UBE2G2: variants seen among roughly 807,000 people sequenced by gnomAD.
The protein encoded by UBE2G2 is ubiquitin conjugating enzyme E2 G2, also known as ubiquitin-conjugating enzyme E2 G2.
Under a neutral mutation model 23.0 loss-of-function variants are expected in UBE2G2, and 10 were observed. The ratio of observed to expected loss-of-function variants is 0.43; its 90% CI spans 0.27 to 0.74. UBE2G2 has a LOEUF of 0.74. UBE2G2 is among the 30% of genes least tolerant of loss of function. The probability of loss-of-function intolerance (pLI) is 0.19; values close to 1 mark genes in which losing one functional copy is unlikely to be tolerated. For synonymous variants in UBE2G2, 86 were observed against 81.3 expected (o/e 1.06, Z -0.31); for missense variants, 150 against 218.3 (o/e 0.69, Z 1.97).
rs1555959946 is a variant in UBE2G2 at position 44,771,503 on chromosome 21, G to A, written c.386-14C>T. The A allele has an allele frequency of 1.1e-5, 17 of 1,608,488 alleles. No homozygotes were observed. Among genetic ancestry groups the A allele is most frequent in the South Asian group, 3.3e-5 (3 of 91,058 alleles). On this transcript the variant is annotated splice_polypyrimidine_tract_variant and intron_variant, in intron 5 of 5. Transcript: ENST00000345496. This position sits in a 1 kb window ranked among gnomAD's most constrained non-coding sequence, Gnocchi z 4.6. The stretch of plus-strand genomic sequence containing the variant: ...CGTCATTGGGCTCTGAAAGAAAAGG[G>A]AACACCCTCCATGTAAAAGGGAGTC...
chr21:44,801,257 T>C, intron 1 of UBE2G2: 1 of 980,568 alleles, frequency 1.0e-6, no homozygotes. Flanking sequence ...CCCTTTTCCT[T>C]CATTAGAGGG....
At chr21:44,794,884 C>G (rs1555963458) in intron 1 of UBE2G2, among the ~76,000 whole-genome samples, 1 of 152,152 alleles carries the variant, frequency 6.6e-6, no homozygotes, top group Non-Finnish European at 1.5e-5. Flanking sequence ...AGCAAAGACT[C>G]AAGTCACTTT....
chr21:44,776,313 A>G (rs537991086), intron 4 of UBE2G2, among the ~76,000 whole-genome samples: 1 of 152,246 alleles, frequency 6.6e-6, no homozygotes, highest in South Asian at 2.1e-4. Context: ...TATTAATTTT[A>G]GGGCAAAAAA....
chr21:44,777,190 C>T, intron 4 of UBE2G2, 109 bp downstream of exon 4: 1 of 936,802 alleles, frequency 1.1e-6, no homozygotes, highest in Non-Finnish European at 1.6e-6. Flanking sequence ...GAAGTGTTTT[C>T]TAAAGATCTA....
chr21:44,792,978 C>T lies in UBE2G2; in HGVS notation c.44-4883G>A, dbSNP rs528575039. Among the ~76,000 whole-genome samples, 9 of 152,342 alleles carry T rather than the reference C, an allele frequency of 5.9e-5. No individual in the cohort carries two copies. The East Asian group carries it at 1.5e-3, about 26-fold the overall frequency. ...TGAATGAGGTCAAGTACCAAGCCGA[C>T]TAAGACCTTGGATTTCACAAGCCAC... On this transcript the variant is annotated intron_variant, in intron 1 of 5. Transcript: ENST00000345496.
In UBE2G2 at chr21:44,801,763, T is replaced by C; in HGVS notation, c.-15A>G. The C allele has an allele frequency of 6.6e-7, 1 of 1,515,638 alleles. No homozygotes were observed. The highest frequency in any genetic ancestry group is 2.8e-5 in the East Asian group (1 of 35,978). The allele number at this position is 1,515,638 out of a possible 1,614,324, so 93.9% of individuals were successfully genotyped here. ...GTCCCCGCCATGGCCCCGCAACAGC[T>C]GCGCCGAGCGACCTCGCCTCAGCCG... is the stretch of plus-strand genomic sequence containing the variant. On this transcript the variant is annotated 5_prime_UTR_variant, in exon 1 of 6. Transcript: ENST00000345496.
chr21:44,795,467 A>G (rs2083080022), intron 1 of UBE2G2, among the ~76,000 whole-genome samples: 1 of 151,920 alleles, frequency 6.6e-6, no homozygotes, highest in African/African-American at 2.4e-5. Flanking sequence ...CCCTATCTCT[A>G]CTAAAAATAC....
chr21:44,779,705 C>A (rs1232175498), intron 3 of UBE2G2, among the ~76,000 whole-genome samples: 4 of 152,230 alleles, frequency 2.6e-5, no homozygotes, highest in African/African-American at 9.6e-5. Context: ...GAGCTCAGAG[C>A]AAACGATAAC....
rs2082875100 is a variant in UBE2G2, at chr21:44,771,528, C to T, written c.386-39G>A. The T allele has an allele frequency of 6.3e-7, 1 of 1,593,892 alleles. No homozygotes were observed. The highest frequency in any genetic ancestry group is 8.5e-7 in the Non-Finnish European group (1 of 1,169,856). ...GAACACCCTCCATGTAAAAGGGAGT[C>T]TTATACGTAAGCAGCCTGGCAAGGT... On this transcript the variant is annotated intron_variant, in intron 5 of 5. Coordinates refer to ENST00000345496, the MANE Select transcript of UBE2G2 (RefSeq NM_003343.6). The surrounding 1 kb of genome is among the most constrained non-coding windows in gnomAD (Gnocchi z 4.6).
chr21:44,796,448 C>T (rs1270802939), intron 1 of UBE2G2, among the ~76,000 whole-genome samples: 1 of 152,060 alleles, frequency 6.6e-6, no homozygotes, highest in Non-Finnish European at 1.5e-5. Flanking sequence ...TCTGTCAAGT[C>T]CACCTTTACA....
chr21:44,774,605 T>C (rs1228051940), intron 4 of UBE2G2: 3 of 384,862 alleles, frequency 7.8e-6, no homozygotes, highest in Non-Finnish European at 1.6e-5. Flanking sequence ...GTCCTATGTG[T>C]TTCCACTCAT....
rs187139522 is a variant in UBE2G2, at chr21:44,774,895, T to C, written c.245-1208A>G. 1.8e-3 allele frequency: 669 copies of C among 365,358 alleles called. 10 individuals are homozygous for C. Among genetic ancestry groups the C allele is most frequent in the South Asian group, 0.012 (584 of 48,308 alleles). The allele number at this position is 365,358 out of a possible 1,614,324, so 22.6% of individuals were successfully genotyped here. ...CCTTCACCAAGTCCCAGCAGTGCCA[T>C]GTCCTAAACCTCTCGTGGATCCACA... On this transcript the variant is annotated intron_variant, in intron 4 of 5. Coordinates refer to ENST00000345496, the MANE Select transcript of UBE2G2 (RefSeq NM_003343.6).
rs1555960208 is a variant in UBE2G2, at chr21:44,773,608, C to T, written c.324G>A (p.Glu108=). 1.2e-6 allele frequency: 2 copies of T among 1,612,124 alleles called. No individual in the cohort carries two copies. Among genetic ancestry groups the T allele is most frequent in the South Asian group, 2.2e-5 (2 of 91,086 alleles). Residue 108 remains glutamate, a synonymous_variant, in exon 5 of 6, where the codon GAG becomes GAA. Coordinates refer to ENST00000345496, the MANE Select transcript of UBE2G2 (RefSeq NM_003343.6). ...CCACACTCTGCACAGGACTCCACCG[C>T]TCCGCGCTGCTCTCGTAGCCCATGG... ...DDPMGYESSA[E]RWSPVQSVEK...
At chr21:44,778,306 C>T (rs1056584125) in intron 3 of UBE2G2, among the ~76,000 whole-genome samples, 1 of 152,256 alleles carries the variant, frequency 6.6e-6, no homozygotes, top group Admixed American at 6.5e-5. Context: ...ACAGGCACCA[C>T]CACTCCAGGC....
chr21:44,779,646 C>T (rs2082941770), intron 3 of UBE2G2, among the ~76,000 whole-genome samples: 1 of 152,190 alleles, frequency 6.6e-6, no homozygotes, highest in African/African-American at 2.4e-5. Flanking sequence ...GGGCACACAC[C>T]ATGTATCAGA....
In UBE2G2 at chr21:44,801,752, C is replaced by T. The variant is rs1555964893; in HGVS notation, c.-4G>A. The T allele has an allele frequency of 6.6e-7, 1 of 1,519,348 alleles. No individual in the cohort carries two copies. Among genetic ancestry groups the T allele is most frequent in the South Asian group, 1.2e-5 (1 of 80,802 alleles). 94.1% of individuals were successfully genotyped at this position (1,519,348 alleles called of 1,614,324 possible). A position where few individuals can be genotyped will look rare whatever the true frequency, so the allele number is the denominator to read the frequency against. On this transcript the variant is annotated 5_prime_UTR_variant, in exon 1 of 6. Transcript: ENST00000345496. ...TCTTGAGCGCGGTCCCCGCCATGGC[C>T]CCGCAACAGCTGCGCCGAGCGACCT...
chr21:44,773,972 C>A, intron 4 of UBE2G2: 1 of 316,010 alleles, frequency 3.2e-6, no homozygotes. Flanking sequence ...GCAATATATA[C>A]AAAAAGACTA....
At position 44,771,215 on chromosome 21, in the gene UBE2G2, A is replaced by G; in HGVS notation, c.*162T>C. The G allele has an allele frequency of 1.6e-6, 1 of 619,480 alleles. No individual in the cohort carries two copies. Among genetic ancestry groups the G allele is most frequent in the South Asian group, 2.0e-5 (1 of 49,146 alleles). The allele number at this position is 619,480 out of a possible 1,614,324, so 38.4% of individuals were successfully genotyped here. ...CATTAAGTCATCATTTCAGAAGAGAAGCCTGTTTGAAGTAGGAAAGGTTTG... is the reference window on the plus strand; with the variant it reads ...CATTAAGTCATCATTTCAGAAGAGAGGCCTGTTTGAAGTAGGAAAGGTTTG... On this transcript the variant is annotated 3_prime_UTR_variant, in exon 6 of 6. Coordinates refer to ENST00000345496, the MANE Select transcript of UBE2G2 (RefSeq NM_003343.6). This position sits in a 1 kb window ranked among gnomAD's most constrained non-coding sequence, Gnocchi z 4.6.
At chr21:44,793,313 G>C (rs2083059713) in intron 1 of UBE2G2, among the ~76,000 whole-genome samples, 2 of 152,214 alleles carry the variant, frequency 1.3e-5, no homozygotes, top group Admixed American at 6.5e-5. Context: ...GTACCAAAGA[G>C]AGCTGGCTTT....
Sources: allele counts gnomAD v4.1 joint callset (sites outside exome capture counted in the v4.1 genomes callset), GRCh38; gene constraint gnomAD v4.1.1; non-coding constraint Gnocchi (gnomAD v3.1); transcripts MANE v1.5; gene names NCBI Gene and HGNC (gene_info 2026-07-23, HGNC 2026-07-21).